The following DMXL1 variants were observed in gnomAD, a reference collection of about 807,000 sequenced individuals.
DMXL1 encodes the protein Dmx like 1, also known as dmX-like protein 1.
DMXL1 carries 99 observed loss-of-function variants against 319.2 expected under a neutral mutation model. That is an observed-to-expected ratio of 0.31 (90% CI 0.26 to 0.37). DMXL1 has a LOEUF of 0.37. Ranked by LOEUF, DMXL1 falls within the 10% of genes least tolerant of loss-of-function variation. The probability of loss-of-function intolerance (pLI) is 1.00; values close to 1 mark genes in which losing one functional copy is unlikely to be tolerated. For missense variants in DMXL1, 3,745 were observed against 3,595.6 expected, an observed-to-expected ratio of 1.04 and a Z score of -1.06; for synonymous variants, 1,385 against 1,235.2, an observed-to-expected ratio of 1.12 and a Z score of -2.54.
At chr5:119,132,510 C>T (rs546152365) in intron 10 of DMXL1, 14 of 233,102 alleles carry the variant, frequency 6.0e-5, no homozygotes, top group African/African-American at 3.0e-4. Flanking sequence ...GAAACCCCGT[C>T]TCTACTAAAA....
chr5:119,178,731 GC>G lies in DMXL1; in HGVS notation c.7135+488del, dbSNP rs1776280453. ...GAAATAGGCTTTTATCATTCAGCTT[GC>G]TTTGTGTTGTTTTGAGGGGTTGGGG... is the stretch of plus-strand genomic sequence containing the variant. On this transcript the variant is annotated intron_variant, in intron 28 of 43. Coordinates refer to ENST00000539542, the MANE Select transcript of DMXL1 (RefSeq NM_001290321.3). 13 of 889,756 alleles carry G rather than the reference GC, an allele frequency of 1.5e-5. No individual in the cohort carries two copies. The South Asian group carries it at 6.7e-4, about 46-fold the overall frequency. 55.1% of individuals were successfully genotyped at this position (889,756 alleles called of 1,614,324 possible).
At position 119,150,484 on chromosome 5, in the gene DMXL1, A is replaced by T. The variant is rs991128095; in HGVS notation, c.4594+63A>T. 3.2e-5 allele frequency: 48 copies of T among 1,489,138 alleles called. No homozygotes were observed. The Middle Eastern group carries it at 7.3e-4, about 23-fold the overall frequency. The allele number at this position is 1,489,138 out of a possible 1,614,324, so 92.2% of individuals were successfully genotyped here. A position where few individuals can be genotyped will look rare whatever the true frequency, so the allele number is the denominator to read the frequency against. On this transcript the variant is annotated intron_variant, in intron 18 of 43. Coordinates refer to ENST00000539542, the MANE Select transcript of DMXL1 (RefSeq NM_001290321.3). Reference sequence around the variant, plus strand: ...CTTTCACAGAAAATAATTTTAAATAATTTTTATTAAAATGATGCCATTGGC... The same window carrying T: ...CTTTCACAGAAAATAATTTTAAATATTTTTTATTAAAATGATGCCATTGGC...
intron 34 of DMXL1, among the ~76,000 whole-genome samples, chr5:119,208,955 A>G (rs1223209326): frequency 6.6e-6 from 1 of 152,220 alleles, no homozygotes; most frequent in African/African-American, 2.4e-5. Context: ...AAATAGAATC[A>G]TATAATACAT....
intron 35 of DMXL1, among the ~76,000 whole-genome samples, chr5:119,218,324 A>G (rs1473654823): frequency 6.6e-6 from 1 of 152,194 alleles, no homozygotes; most frequent in East Asian, 1.9e-4. Context: ...GGGTTTATAT[A>G]TAAGTACTGG....
At chr5:119,196,033 T>C (rs1265308732) in intron 30 of DMXL1, among the ~76,000 whole-genome samples, 1 of 152,196 alleles carries the variant, frequency 6.6e-6, no homozygotes, top group African/African-American at 2.4e-5. Context: ...TACAGTGTTC[T>C]GCTACCTGCT....
At chr5:119,220,038 A>G (rs1296530813) in intron 35 of DMXL1, among the ~76,000 whole-genome samples, 1 of 151,334 alleles carries the variant, frequency 6.6e-6, no homozygotes, top group African/African-American at 2.4e-5. Context: ...TAAGATTGAA[A>G]AGCTTTAGGA....
intron 2 of DMXL1, chr5:119,100,770 C>CTTTTTTTTTTTTTTTTTTTT (rs397999092): frequency 1.6e-5 from 1 of 62,670 alleles, no homozygotes; most frequent in African/African-American, 5.9e-5. Flanking sequence ...CATCTGTTTT[C>CTTTTTTTTTTTTTTTTTTTT]TTTTTTTTTT....
intron 19 of DMXL1, 55 bp downstream of exon 19, chr5:119,152,091 CTT>C (rs1180870536): frequency 3.3e-5 from 40 of 1,228,708 alleles, no homozygotes; most frequent in Non-Finnish European, 4.3e-5. Flanking sequence ...AAATGAGAGA[CTT>C]GGGAGTTTTT....
At chr5:119,227,560 T>G (rs1256606479) in intron 38 of DMXL1, among the ~76,000 whole-genome samples, 1 of 152,120 alleles carries the variant, frequency 6.6e-6, no homozygotes, top group Admixed American at 6.6e-5. Context: ...TACTCTTCTG[T>G]AAGGCAACCA....
chr5:119,137,292 C>T (rs1766228322), intron 13 of DMXL1, among the ~76,000 whole-genome samples: 3 of 152,248 alleles, frequency 2.0e-5, no homozygotes, highest in Non-Finnish European at 2.9e-5. Flanking sequence ...TACCCAATGC[C>T]TGTGCTCGCA....
chr5:119,201,465 T>C (rs554532699), intron 32 of DMXL1, among the ~76,000 whole-genome samples: 93 of 152,316 alleles, frequency 6.1e-4, no homozygotes, highest in Admixed American at 6.0e-3. Flanking sequence ...TGGGTTTGGT[T>C]TGCAAGTATT....
chr5:119,242,241 C>G (rs892374017), intron 42 of DMXL1, among the ~76,000 whole-genome samples: 3 of 152,138 alleles, frequency 2.0e-5, no homozygotes, highest in African/African-American at 7.2e-5. Flanking sequence ...ATTGAATAAA[C>G]CACATCTAAG....
chr5:119,155,512 A>C (rs1421935180), intron 19 of DMXL1, among the ~76,000 whole-genome samples: 1 of 152,192 alleles, frequency 6.6e-6, no homozygotes, highest in East Asian at 1.9e-4. Flanking sequence ...GTAGAACCTG[A>C]ATATGTGACT....
In DMXL1 at chr5:119,170,472, C is replaced by A; in HGVS notation, c.5681C>A (p.Ala1894Asp). Residue 1894 changes from alanine (A) to aspartate (D), a missense_variant, in exon 24 of 44, where the codon GCT (alanine) becomes GAT (aspartate). Ala to Asp is a moderately radical substitution (Grantham distance 126, BLOSUM62 -2). Around this residue, in one of 4 missense-constraint regions of DMXL1, gnomAD observed 1,382 missense variants for 1,269.5 expected, o/e 1.09. Coordinates refer to ENST00000539542, the MANE Select transcript of DMXL1 (RefSeq NM_001290321.3). The stretch of plus-strand genomic sequence containing the variant: ...AAGAAAACAAGACCTTTTTATAGGG[C>A]TTCTAGTTTTCTGGATACTAGTAAA... Reference protein sequence around the residue: ...VIKKTRPFYRASSFLDTSKDC... With the variant: ...VIKKTRPFYRDSSFLDTSKDC... 2 of 1,613,700 alleles carry A rather than the reference C, an allele frequency of 1.2e-6. No homozygotes were observed. The highest frequency in any genetic ancestry group is 4.5e-5 in the East Asian group (2 of 44,868).
intron 5 of DMXL1, among the ~76,000 whole-genome samples, chr5:119,113,578 C>A (rs553864960): frequency 4.9e-4 from 74 of 152,124 alleles, no homozygotes; most frequent in Non-Finnish European, 9.3e-4. Flanking sequence ...AGTGTGACTT[C>A]AGTTTCTAGC....
At chr5:119,132,674 C>CAAAAA in intron 10 of DMXL1, 2 of 331,984 alleles carry the variant, frequency 6.0e-6, no homozygotes, top group East Asian at 8.3e-5. Context: ...GACTCCGTCT[C>CAAAAA]AAAAAAAAAA....
chr5:119,088,985 A>ATT (rs1041228687), intron 1 of DMXL1, among the ~76,000 whole-genome samples: 1 of 148,128 alleles, frequency 6.8e-6, no homozygotes, highest in East Asian at 2.0e-4. Context: ...TTCCAAAACA[A>ATT]TTTTTTTTTT....
chr5:119,214,093 C>A (rs1000410393), intron 34 of DMXL1, among the ~76,000 whole-genome samples: 2 of 151,848 alleles, frequency 1.3e-5, no homozygotes, highest in African/African-American at 2.4e-5. Context: ...TGTATGCTGA[C>A]AACTCTCAAA....
intron 38 of DMXL1, among the ~76,000 whole-genome samples, chr5:119,230,260 C>G (rs1480877257): frequency 6.6e-6 from 1 of 152,074 alleles, no homozygotes; most frequent in African/African-American, 2.4e-5. Flanking sequence ...TAAGGATATG[C>G]CTGCTTTAAT....
Sources: gnomAD v4.1 joint callset for allele counts (sites outside exome capture counted in the v4.1 genomes callset) on GRCh38, gnomAD v4.1.1 for gene constraint, gnomAD v4.1.1 regional missense constraint, MANE v1.5 for transcripts, NCBI Gene and HGNC (gene_info 2026-07-23, HGNC 2026-07-21) for gene names.